The following DAGLB variants were observed in gnomAD, a reference collection of about 807,000 sequenced individuals.
DAGLB encodes diacylglycerol lipase beta, also known as diacylglycerol lipase-beta.
DAGLB carries 66 observed loss-of-function variants against 72.1 expected under a neutral mutation model. The ratio of observed to expected loss-of-function variants is 0.92; its 90% CI spans 0.75 to 1.12. The LOEUF is 1.12. Ranked by LOEUF, DAGLB falls within the 50% of genes most tolerant of loss-of-function variation. The probability of loss-of-function intolerance (pLI) is 0.00; values close to 1 mark genes in which losing one functional copy is unlikely to be tolerated. For missense variants in DAGLB, 1,065 were observed against 884.9 expected (o/e 1.20, Z -2.58); for synonymous variants, 414 against 359.5 (o/e 1.15, Z -1.71).
At chr7:6,421,829 G>A (rs756888306) in intron 8 of DAGLB, 25 bp from the exon 9 acceptor site, 8 of 1,610,086 alleles carry the variant, frequency 5.0e-6, no homozygotes, top group South Asian at 3.3e-5. Flanking sequence ...TTGCAGAAGC[G>A]GCCGTCAGCC....
intron 9 of DAGLB, 153 bp from the exon 10 acceptor site, chr7:6,417,074 G>T: frequency 1.2e-6 from 1 of 838,304 alleles, no homozygotes; most frequent in Non-Finnish European, 1.9e-6. Context: ...GTGCATGGCT[G>T]TGCTCCTGGC....
intron 8 of DAGLB, 60 bp downstream of exon 8, chr7:6,424,692 G>A (rs867810986): frequency 1.3e-6 from 2 of 1,534,508 alleles, no homozygotes; most frequent in African/African-American, 1.4e-5. Flanking sequence ...CAGCCGAGCA[G>A]CTGTGGGCTC....
intron 3 of DAGLB, chr7:6,435,597 G>GCAACT (rs1784629394): frequency 6.4e-6 from 1 of 155,186 alleles, no homozygotes; most frequent in African/African-American, 2.4e-5. Context: ...GTTGCAGCCT[G>GCAACT]CGCCCGGATG....
Position 6,421,766 on chromosome 7 carries a change from C to G in DAGLB, c.1179G>C (p.Leu393=), listed in dbSNP as rs1279352646. The G allele has an allele frequency of 6.2e-7, 1 of 1,613,412 alleles. No homozygotes were observed. Among genetic ancestry groups the G allele is most frequent in the Admixed American group, 1.7e-5 (1 of 60,012 alleles). The change falls in exon 9 of 15, where the codon CTG becomes CTC. Residue 393 remains leucine, a synonymous_variant. Coordinates refer to ENST00000297056, the MANE Select transcript of DAGLB (RefSeq NM_139179.4). ...LTDLSAESEV[L]DVECEVQDRL... Reference sequence around the variant, plus strand: ...GGTCCTGCACCTCACACTCCACGTCCAGCACCTCACTCTCCGCTGACAGGT... The same window carrying G: ...GGTCCTGCACCTCACACTCCACGTCGAGCACCTCACTCTCCGCTGACAGGT...
In DAGLB at chr7:6,436,350, G is replaced by T. The variant is rs769681440; in HGVS notation, c.419+12C>A. The T allele has an allele frequency of 6.3e-7, 1 of 1,597,222 alleles. No homozygotes were observed. Among genetic ancestry groups the T allele is most frequent in the African/African-American group, 1.4e-5 (1 of 73,872 alleles). ...ATCCACTGAAACTCAAAGAGAAGAA[G>T]GGAGATGTCACCTGACCACGACGGT... On this transcript the variant is annotated intron_variant, in intron 3 of 14. Coordinates refer to ENST00000297056, the MANE Select transcript of DAGLB (RefSeq NM_139179.4).
In DAGLB at chr7:6,416,824, G is replaced by A. The variant is rs1439762617; in HGVS notation, c.1299+17C>T. On this transcript the variant is annotated intron_variant, in intron 10 of 14. Coordinates refer to ENST00000297056, the MANE Select transcript of DAGLB (RefSeq NM_139179.4). ...CTCCAAAGAGGACAAGGAAAGAAAC[G>A]TTAACTAAGATCTCACAGGAGCAAT... 4.3e-6 allele frequency: 7 copies of A among 1,614,054 alleles called. No individual in the cohort carries two copies. Among genetic ancestry groups the A allele is most frequent in the Admixed American group, 1.7e-5 (1 of 59,998 alleles).
rs529373938 is a variant in DAGLB at position 6,425,475 on chromosome 7, T to C, written c.1056+513A>G. Among the ~76,000 whole-genome samples, 5 of 152,282 alleles carry C rather than the reference T, an allele frequency of 3.3e-5. No individual in the cohort carries two copies. The South Asian group carries it at 1.0e-3, about 32-fold the overall frequency. ...TTAGTAGAGATGGGGTTTCACCATA[T>C]TGGCCAGGCTGGTCTCGAACTCCTG... On this transcript the variant is annotated intron_variant, in intron 7 of 14. Transcript: ENST00000297056.
chr7:6,424,576 T>A (rs1784242140), intron 8 of DAGLB, among the ~76,000 whole-genome samples, 176 bp downstream of exon 8: 1 of 152,170 alleles, frequency 6.6e-6, no homozygotes, highest in South Asian at 2.1e-4. Context: ...TGAAACAGCT[T>A]CATCCCTTTT....
At position 6,447,846 on chromosome 7, in the gene DAGLB, G is replaced by A. The variant is rs753426563; in HGVS notation, c.-4C>T. On this transcript the variant is annotated 5_prime_UTR_variant, in exon 1 of 15. Coordinates refer to ENST00000297056, the MANE Select transcript of DAGLB (RefSeq NM_139179.4). The stretch of plus-strand genomic sequence containing the variant: ...CGAAGAGTACCATCCCCGGCATGGC[G>A]AAGGTCCCGTAGCTCGCACTCAGGA... 3 of 1,609,488 alleles carry A rather than the reference G, an allele frequency of 1.9e-6. No individual in the cohort carries two copies. Among genetic ancestry groups the A allele is most frequent in the South Asian group, 2.2e-5 (2 of 90,258 alleles).
intron 7 of DAGLB, 101 bp from the exon 8 acceptor site, chr7:6,424,936 G>T: frequency 1.7e-6 from 2 of 1,174,258 alleles, no homozygotes; most frequent in South Asian, 1.3e-5. Flanking sequence ...CCCAAGTCCT[G>T]CGGCACAGAG....
At chr7:6,434,642 C>G (rs563093603) in intron 4 of DAGLB, 120 bp downstream of exon 4, 1 of 1,510,202 alleles carries the variant, frequency 6.6e-7, no homozygotes, top group Admixed American at 2.0e-5. Flanking sequence ...CCGGCCACCC[C>G]CCACACACCC....
chr7:6,433,415 C>A (rs1043645272), intron 4 of DAGLB, among the ~76,000 whole-genome samples: 1 of 152,078 alleles, frequency 6.6e-6, no homozygotes, highest in Non-Finnish European at 1.5e-5. Flanking sequence ...GTATGGCAAG[C>A]CTCATAAAGG....
At chr7:6,430,298 GGAGGGAGA>G (rs1401994118) in intron 6 of DAGLB, among the ~76,000 whole-genome samples, 174 bp downstream of exon 6, 1 of 107,624 alleles carries the variant, frequency 9.3e-6, no homozygotes, top group African/African-American at 3.5e-5. Flanking sequence ...GGGGAGGGAG[GGAGGGAGA>G]GAGAGAGAGA....
At chr7:6,436,303 G>A (rs1784655100) in intron 3 of DAGLB, 59 bp downstream of exon 3, 2 of 1,553,626 alleles carry the variant, frequency 1.3e-6, no homozygotes, top group Non-Finnish European at 1.7e-6. Context: ...ATGTTAGAAG[G>A]GTTTGTTCAC....
rs377453364 is a variant in DAGLB, at chr7:6,447,804, G to T, written c.39C>A (p.Ile13=). The T allele has an allele frequency of 2.1e-5, 34 of 1,613,162 alleles. No homozygotes were observed. The highest frequency in any genetic ancestry group is 2.8e-5 in the Non-Finnish European group (33 of 1,179,712). Residue 13 remains isoleucine (I), a synonymous_variant, in exon 1 of 15, where the codon ATC becomes ATA. Coordinates refer to ENST00000297056, the MANE Select transcript of DAGLB (RefSeq NM_139179.4). ...CTGGGAAGACCAAGTCGTCGCTGGCGATGGCCCAGCGCCGGCCGAAGAGTA... is the reference window on the plus strand; with the variant it reads ...CTGGGAAGACCAAGTCGTCGCTGGCTATGGCCCAGCGCCGGCCGAAGAGTA... ...GMVLFGRRWA[I]ASDDLVFPGF...
chr7:6,440,210 C>A (rs1181732293), intron 2 of DAGLB, among the ~76,000 whole-genome samples: 1 of 151,026 alleles, frequency 6.6e-6, no homozygotes, highest in Admixed American at 6.6e-5. Flanking sequence ...CATGGAGAAA[C>A]CCCATCTCTA....
chr7:6,423,052 G>C (rs1784183233), intron 8 of DAGLB, among the ~76,000 whole-genome samples: 1 of 152,156 alleles, frequency 6.6e-6, no homozygotes, highest in Non-Finnish European at 1.5e-5. Context: ...AGGAGTCCAA[G>C]ACCAGCCTGG....
At position 6,416,665 on chromosome 7, in the gene DAGLB, G is replaced by A; in HGVS notation, c.1389C>T (p.Val463=). The A allele has an allele frequency of 6.2e-7, 1 of 1,613,666 alleles. No individual in the cohort carries two copies. The highest frequency in any genetic ancestry group is 1.3e-5 in the African/African-American group (1 of 75,056). The part of the protein sequence containing the change: ...ATMLRAAYPQ[V]RCYAFSPPRG... Reference sequence around the variant, plus strand: ...GGGGTGGGGAGAAGGCGTAGCACCTGACCTGCGGGTAGGCGGCTCTGAGCA... The same window carrying A: ...GGGGTGGGGAGAAGGCGTAGCACCTAACCTGCGGGTAGGCGGCTCTGAGCA... The change falls in exon 11 of 15, where the codon GTC becomes GTT. Residue 463 remains valine (V), a synonymous_variant. Transcript: ENST00000297056.
intron 2 of DAGLB, chr7:6,445,703 T>C (rs2115302792): frequency 3.3e-6 from 1 of 305,954 alleles, no homozygotes; most frequent in Non-Finnish European, 6.1e-6. Context: ...CCTCAAGTGA[T>C]CCACCCACCT....
Sources: gnomAD v4.1 joint callset for allele counts (sites outside exome capture counted in the v4.1 genomes callset) on GRCh38, gnomAD v4.1.1 for gene constraint, MANE v1.5 for transcripts, NCBI Gene and HGNC (gene_info 2026-07-23, HGNC 2026-07-21) for gene names.